Variants in NOX3 observed in about 807,000 individuals in gnomAD.
NOX3 encodes the protein NADPH oxidase 3, also known as NADPH oxidase catalytic subunit-like 3.
NOX3 carries 74 observed loss-of-function variants against 76.7 expected under a neutral mutation model. That is an observed-to-expected ratio of 0.96 (90% CI 0.80 to 1.17). NOX3 has a LOEUF of 1.17. Ranked by LOEUF, NOX3 falls within the 50% of genes most tolerant of loss-of-function variation. NOX3 has a pLI of 0.00. For missense variants in NOX3, 695 were observed against 703.3 expected (o/e 0.99, Z 0.13); for synonymous variants, 263 against 261.1 (o/e 1.01, Z -0.07).
chr6:155,455,838 T>C lies in NOX3; in HGVS notation c.-38A>G. The C allele has an allele frequency of 6.3e-7, 1 of 1,596,256 alleles. No homozygotes were observed. The highest frequency in any genetic ancestry group is 8.6e-7 in the Non-Finnish European group (1 of 1,163,898). On this transcript the variant is annotated 5_prime_UTR_variant, in exon 1 of 14. Coordinates refer to ENST00000159060, the MANE Select transcript of NOX3 (RefSeq NM_015718.3). ...TCTTCGGCTGTCAGGAAATTTCTTC[T>C]CCCTCACCTGTGTCTGGATGTTGGG...
intron 4 of NOX3, among the ~76,000 whole-genome samples, chr6:155,452,274 G>A (rs1562474083): frequency 6.6e-6 from 1 of 152,116 alleles, no homozygotes; most frequent in Non-Finnish European, 1.5e-5. Flanking sequence ...TTCTTTCCCT[G>A]AGTCTTTATT....
chr6:155,442,300 A>C (rs918514741), intron 5 of NOX3, among the ~76,000 whole-genome samples: 1 of 152,140 alleles, frequency 6.6e-6, no homozygotes, highest in African/African-American at 2.4e-5. Flanking sequence ...AAATAAAAGA[A>C]AAGGTAGCTC....
intron 10 of NOX3, among the ~76,000 whole-genome samples, chr6:155,416,741 A>ATTTTTTTTT (rs1225392241): frequency 9.0e-5 from 9 of 100,124 alleles, no homozygotes; most frequent in African/African-American, 1.8e-4. Flanking sequence ...CATCTGAAAC[A>ATTTTTTTTT]TTCTTTTTTT....
intron 7 of NOX3, among the ~76,000 whole-genome samples, chr6:155,434,742 T>A (rs745731347): frequency 6.6e-6 from 1 of 152,252 alleles, no homozygotes; most frequent in Non-Finnish European, 1.5e-5. Context: ...TCAGACCTGG[T>A]CTCTGATATT....
intron 4 of NOX3, among the ~76,000 whole-genome samples, 176 bp downstream of exon 4, chr6:155,453,228 A>G (rs1177213767): frequency 6.6e-6 from 1 of 152,218 alleles, no homozygotes; most frequent in African/African-American, 2.4e-5. Flanking sequence ...GAAAACGTAT[A>G]GGTAAGTATA....
chr6:155,435,981 G>A (rs1015128574), intron 7 of NOX3, among the ~76,000 whole-genome samples: 1 of 152,206 alleles, frequency 6.6e-6, no homozygotes, highest in Non-Finnish European at 1.5e-5. Context: ...AAAGAAAGAA[G>A]GCAAGCTTAT....
At position 155,440,687 on chromosome 6, in the gene NOX3, A is replaced by AC. The variant is rs201019807; in HGVS notation, c.487-551_487-550insG. Among the ~76,000 whole-genome samples the AC allele has an allele frequency of 1.2e-3, 173 of 149,614 alleles. 1 individual carries two copies. The East Asian group carries it at 0.017, about 14-fold the overall frequency. ...AAAATGGGAAAAAAGAAAAAACAAAAAAAAAAAAAACCAAAGTGATTATGT... is the reference window on the plus strand; with the variant it reads ...AAAATGGGAAAAAAGAAAAAACAAAACAAAAAAAAAACCAAAGTGATTATGT... On this transcript the variant is annotated intron_variant, in intron 5 of 13. Coordinates refer to ENST00000159060, the MANE Select transcript of NOX3 (RefSeq NM_015718.3).
Position 155,453,458 on chromosome 6 carries a change from C to T in NOX3, c.286G>A (p.Asp96Asn), listed in dbSNP as rs186559196. 4 of 1,613,850 alleles carry T rather than the reference C, an allele frequency of 2.5e-6. 1 individual carries two copies. The Admixed American group carries it at 6.7e-5, about 27-fold the overall frequency. Reference sequence around the variant, plus strand: ...AGTTTGTGAAATCTGAGGTTTTTGTCTAATTGCCTCCTCCACGGTCCTCTG... The same window carrying T: ...AGTTTGTGAAATCTGAGGTTTTTGTTTAATTGCCTCCTCCACGGTCCTCTG... ...CCRGPWRRQLDKNLRFHKLVA... is the reference protein window; with the variant it reads ...CCRGPWRRQLNKNLRFHKLVA... The change falls in exon 4 of 14, where the codon GAC (aspartate) becomes AAC (asparagine). Residue 96 changes from aspartate to asparagine, a missense_variant. Asp to Asn is a conservative substitution (Grantham distance 23). Transcript: ENST00000159060.
At chr6:155,411,669 C>A (rs1234525313) in intron 10 of NOX3, among the ~76,000 whole-genome samples, 1 of 152,188 alleles carries the variant, frequency 6.6e-6, no homozygotes, top group Non-Finnish European at 1.5e-5. Flanking sequence ...GATTAATAAT[C>A]ATAACTAGCT....
At chr6:155,431,301 T>C (rs1293067848) in intron 7 of NOX3, among the ~76,000 whole-genome samples, 2 of 152,128 alleles carry the variant, frequency 1.3e-5, no homozygotes, top group Non-Finnish European at 2.9e-5. Flanking sequence ...AAGTCAAAGC[T>C]ACATTACTCA....
chr6:155,424,172 A>G (rs1776727790), intron 9 of NOX3, among the ~76,000 whole-genome samples: 1 of 151,986 alleles, frequency 6.6e-6, no homozygotes, highest in African/African-American at 2.4e-5. Context: ...CTCTTATATA[A>G]TTTATAGCTC....
intron 5 of NOX3, among the ~76,000 whole-genome samples, chr6:155,442,216 A>T (rs906970284): frequency 1.3e-5 from 2 of 152,186 alleles, no homozygotes; most frequent in African/African-American, 4.8e-5. Flanking sequence ...GTGAGCCGTG[A>T]TCGCACCACT....
intron 9 of NOX3, among the ~76,000 whole-genome samples, chr6:155,426,633 G>A (rs749513870): frequency 1.3e-5 from 2 of 152,112 alleles, no homozygotes; most frequent in Non-Finnish European, 2.9e-5. Context: ...AAGGCACTGA[G>A]GACTACATTC....
intron 9 of NOX3, among the ~76,000 whole-genome samples, chr6:155,428,352 A>G (rs1452005263): frequency 6.6e-6 from 1 of 152,214 alleles, no homozygotes; most frequent in Non-Finnish European, 1.5e-5. Flanking sequence ...GGGCCCTTAT[A>G]TCCAATATGA....
At chr6:155,446,148 G>A (rs1777063059) in intron 4 of NOX3, among the ~76,000 whole-genome samples, 1 of 151,664 alleles carries the variant, frequency 6.6e-6, no homozygotes, top group South Asian at 2.1e-4. Context: ...AGAGAGGTTA[G>A]CACCCACGAA....
chr6:155,437,709 C>A (rs1017286143), intron 6 of NOX3, among the ~76,000 whole-genome samples: 1 of 152,228 alleles, frequency 6.6e-6, no homozygotes, highest in African/African-American at 2.4e-5. Context: ...CTGTAGGCAG[C>A]ATTCCCCATA....
At position 155,436,699 on chromosome 6, in the gene NOX3, AG is replaced by A. The variant is rs550225968; in HGVS notation, c.669-153del. On this transcript the variant is annotated intron_variant, in intron 6 of 13. Transcript: ENST00000159060. ...ACTCGGGCTGTCATTCATTTCCCCCAGCTTCTTTAAAAATAAGCATTTAAGA... is the reference window on the plus strand; with the variant it reads ...ACTCGGGCTGTCATTCATTTCCCCCACTTCTTTAAAAATAAGCATTTAAGA... The A allele has an allele frequency of 4.0e-4, 306 of 770,064 alleles. 3 individuals are homozygous for A. In the East Asian group the frequency reaches 8.2e-3, roughly 21 times the overall value. The allele number at this position is 770,064 out of a possible 1,614,324, so 47.7% of individuals were successfully genotyped here. A position where few individuals can be genotyped will look rare whatever the true frequency, so the allele number is the denominator to read the frequency against.
chr6:155,453,284 A>G (rs889407254), intron 4 of NOX3, 120 bp downstream of exon 4: 8 of 785,530 alleles, frequency 1.0e-5, no homozygotes, highest in Non-Finnish European at 1.8e-5. Context: ...ACAGGGTCAG[A>G]TAAAGGGCAA....
At chr6:155,419,198 C>T (rs1263645659) in intron 10 of NOX3, among the ~76,000 whole-genome samples, 1 of 152,190 alleles carries the variant, frequency 6.6e-6, no homozygotes, top group Non-Finnish European at 1.5e-5. Flanking sequence ...TATACTCAAA[C>T]CAACACAAAG....
Sources: gnomAD v4.1 joint callset for allele counts (sites outside exome capture counted in the v4.1 genomes callset) on GRCh38, gnomAD v4.1.1 for gene constraint, MANE v1.5 for transcripts, NCBI Gene and HGNC (gene_info 2026-07-23, HGNC 2026-07-21) for gene names.